The following APP variants were observed in gnomAD, a reference collection of about 807,000 sequenced individuals.
APP encodes amyloid beta precursor protein.
APP carries 31 observed loss-of-function variants against 101.4 expected under a neutral mutation model. The ratio of observed to expected loss-of-function variants is 0.31; its 90% CI spans 0.23 to 0.41. The LOEUF (loss-of-function observed/expected upper bound fraction) is 0.41. Ranked by LOEUF, APP falls within the 10% of genes least tolerant of loss-of-function variation. The pLI is 1.00. For synonymous variants in APP, 366 were observed against 364.4 expected, an observed-to-expected ratio of 1.00 and a Z score of -0.05; for missense variants, 839 against 1,003.7, an observed-to-expected ratio of 0.84 and a Z score of 2.22.
intron 1 of APP, among the ~76,000 whole-genome samples, chr21:26,129,869 C>T (rs1221647836): frequency 2.6e-5 from 4 of 152,172 alleles, no homozygotes; most frequent in African/African-American, 9.7e-5. Context: ...GAGAGTTCAG[C>T]CCAATTTCTG....
chr21:26,164,276 T>C (rs2063560599), intron 1 of APP, among the ~76,000 whole-genome samples: 2 of 152,200 alleles, frequency 1.3e-5, no homozygotes, highest in African/African-American at 4.8e-5. Flanking sequence ...ATTCATTTTA[T>C]TTTGAAACTG....
At chr21:26,065,585 T>C (rs1452762569) in intron 3 of APP, among the ~76,000 whole-genome samples, 3 of 152,178 alleles carry the variant, frequency 2.0e-5, no homozygotes, top group Admixed American at 6.5e-5. Context: ...CCTTTACAAA[T>C]GAGGAATCTT....
At chr21:26,147,630 T>C (rs943458604) in intron 1 of APP, among the ~76,000 whole-genome samples, 3 of 152,098 alleles carry the variant, frequency 2.0e-5, no homozygotes, top group African/African-American at 7.2e-5. Context: ...TTTAAATGGC[T>C]CAATCAATTT....
At chr21:26,057,515 G>A (rs2046092510) in intron 3 of APP, among the ~76,000 whole-genome samples, 1 of 151,916 alleles carries the variant, frequency 6.6e-6, no homozygotes, top group Non-Finnish European at 1.5e-5. Context: ...CTGAAAGGGT[G>A]TTTTCAAAGC....
intron 3 of APP, chr21:26,053,585 G>C (rs1286864476): frequency 2.4e-6 from 1 of 412,440 alleles, no homozygotes; most frequent in African/African-American, 2.0e-5. Flanking sequence ...AAGTGAAATT[G>C]TCCCTTAATT....
intron 8 of APP, among the ~76,000 whole-genome samples, chr21:25,987,773 C>T (rs2042692959): frequency 6.6e-6 from 1 of 152,144 alleles, no homozygotes; most frequent in African/African-American, 2.4e-5. Context: ...ACTATCCTGC[C>T]TTTAGTGCGC....
intron 8 of APP, among the ~76,000 whole-genome samples, chr21:25,991,903 C>A (rs971895419): frequency 6.6e-6 from 1 of 152,200 alleles, no homozygotes; most frequent in Non-Finnish European, 1.5e-5. Context: ...AGCTAAACAA[C>A]AGAGCAGAGA....
intron 5 of APP, among the ~76,000 whole-genome samples, chr21:26,040,367 C>T (rs965104586): frequency 3.3e-5 from 5 of 151,932 alleles, no homozygotes; most frequent in Admixed American, 6.6e-5. Context: ...TTTGGGAGGC[C>T]GAGGCCAGTG....
chr21:25,937,138 G>A (rs2040397242), intron 13 of APP, among the ~76,000 whole-genome samples: 1 of 152,104 alleles, frequency 6.6e-6, no homozygotes, highest in Non-Finnish European at 1.5e-5. Context: ...TACAGGCAGT[G>A]GGAAAAATCC....
intron 8 of APP, among the ~76,000 whole-genome samples, chr21:25,993,104 G>A (rs192984028): frequency 9.2e-5 from 14 of 152,210 alleles, no homozygotes; most frequent in Admixed American, 4.6e-4. Flanking sequence ...GAGCTTCTGC[G>A]GCAACAAACT....
At chr21:25,978,812 C>T (rs893854235) in intron 9 of APP, among the ~76,000 whole-genome samples, 3 of 152,116 alleles carry the variant, frequency 2.0e-5, no homozygotes, top group Non-Finnish European at 2.9e-5. Context: ...ATTAGCTCGG[C>T]GTGGTGGCAC....
At chr21:26,165,371 A>C (rs1374672507) in intron 1 of APP, among the ~76,000 whole-genome samples, 1 of 152,256 alleles carries the variant, frequency 6.6e-6, no homozygotes, top group Non-Finnish European at 1.5e-5. Flanking sequence ...TCGATCCTCA[A>C]TAACTAGAAG....
At chr21:26,031,273 C>T (rs919192556) in intron 5 of APP, among the ~76,000 whole-genome samples, 1 of 152,178 alleles carries the variant, frequency 6.6e-6, no homozygotes, top group Admixed American at 6.5e-5. Flanking sequence ...AGGAAAGTCA[C>T]AAAGTAAGAG....
In APP at chr21:26,089,962, C is replaced by G. The variant is rs781145038; in HGVS notation, c.336G>C (p.Val112=). Residue 112 remains valine (V), a synonymous_variant, in exon 3 of 18, where the codon GTG becomes GTC. Transcript: ENST00000346798. ...RKQCKTHPHF[V]IPYRCLVGEF... Reference sequence around the variant, plus strand: ...GCTCACCTAAGCAGCGGTAGGGAATCACAAAGTGGGGATGGGTCTTGCACT... The same window carrying G: ...GCTCACCTAAGCAGCGGTAGGGAATGACAAAGTGGGGATGGGTCTTGCACT... The G allele has an allele frequency of 1.9e-6, 3 of 1,614,164 alleles. No homozygotes were observed. The East Asian group carries it at 6.7e-5, about 36-fold the overall frequency.
intron 2 of APP, among the ~76,000 whole-genome samples, chr21:26,090,664 T>C (rs575072498): frequency 4.6e-5 from 7 of 152,332 alleles, no homozygotes; most frequent in Admixed American, 3.9e-4. Context: ...AGGATAATAG[T>C]CTGTAATGTC....
Position 26,000,264 on chromosome 21 carries a change from T to C in APP, c.866-82A>G, listed in dbSNP as rs2043236863. On this transcript the variant is annotated intron_variant, in intron 6 of 17. Coordinates refer to ENST00000346798, the MANE Select transcript of APP (RefSeq NM_000484.4). Reference sequence around the variant, plus strand: ...TTCATGTATACACGTTTACTTCTTTTAATCCTCCCAGTGGCAACCTGGACT... The same window carrying C: ...TTCATGTATACACGTTTACTTCTTTCAATCCTCCCAGTGGCAACCTGGACT... The C allele has an allele frequency of 4.7e-5, 74 of 1,567,964 alleles. 1 individual carries two copies. The South Asian group carries it at 7.8e-4, about 16-fold the overall frequency.
chr21:25,952,191 T>TACACACACAC (rs57270357), intron 13 of APP, among the ~76,000 whole-genome samples: 3,336 of 139,928 alleles, frequency 0.024, 92 homozygotes, highest in East Asian at 0.11. Flanking sequence ...ATTACATACA[T>TACACACACAC]ACACACACAC....
At chr21:26,150,626 T>TAGATAGATAGATAGACAGACAGACAGAC (rs370206066) in intron 1 of APP, among the ~76,000 whole-genome samples, 1 of 149,812 alleles carries the variant, frequency 6.7e-6, no homozygotes, top group East Asian at 2.0e-4. Context: ...GACAGATAGA[T>TAGATAGATAGATAGACAGACAGACAGAC]AGACAGACAG....
intron 1 of APP, among the ~76,000 whole-genome samples, chr21:26,131,166 T>C (rs1476574230): frequency 6.6e-6 from 1 of 151,658 alleles, no homozygotes. Flanking sequence ...GAGGCGGAGG[T>C]TGCGGTGAGC....
Sources: gnomAD v4.1 joint callset for allele counts (sites outside exome capture counted in the v4.1 genomes callset) on GRCh38, gnomAD v4.1.1 for gene constraint, MANE v1.5 for transcripts, NCBI Gene and HGNC (gene_info 2026-07-23, HGNC 2026-07-21) for gene names.